Variants in TCF7L1 observed in about 807,000 individuals in gnomAD.
TCF7L1 encodes the protein transcription factor 7 like 1.
In TCF7L1, 18 loss-of-function variants were observed where a neutral mutation model predicts 63.7. That is an observed-to-expected ratio of 0.28 (90% CI 0.20 to 0.42). The LOEUF (loss-of-function observed/expected upper bound fraction) is 0.42. Ranked by LOEUF, TCF7L1 falls within the 10% of genes least tolerant of loss-of-function variation. The pLI, the probability that TCF7L1 is intolerant of heterozygous loss-of-function variation, is 1.00. For missense variants in TCF7L1, 654 were observed against 779.3 expected (o/e 0.84, Z 1.91); for synonymous variants, 355 against 340.9 (o/e 1.04, Z -0.46).
chr2:85,188,017 A>G (rs777714841), intron 3 of TCF7L1, among the ~76,000 whole-genome samples: 1 of 152,236 alleles, frequency 6.6e-6, no homozygotes, highest in Non-Finnish European at 1.5e-5. Context: ...ATGCTGAACG[A>G]AAAAGTCAGT....
At chr2:85,263,323 G>A (rs1207396375) in intron 3 of TCF7L1, among the ~76,000 whole-genome samples, 1 of 151,638 alleles carries the variant, frequency 6.6e-6, no homozygotes, top group Non-Finnish European at 1.5e-5. Context: ...GGGTGGAGGG[G>A]GGGAAGTAAT....
intron 3 of TCF7L1, among the ~76,000 whole-genome samples, chr2:85,198,568 T>G (rs538712377): frequency 1.5e-4 from 23 of 152,214 alleles, no homozygotes; most frequent in Non-Finnish European, 2.6e-4. Context: ...CATTTAGAAG[T>G]GGCTTTGGGG....
At chr2:85,251,982 G>A (rs1014305050) in intron 3 of TCF7L1, among the ~76,000 whole-genome samples, 1 of 152,174 alleles carries the variant, frequency 6.6e-6, no homozygotes, top group Non-Finnish European at 1.5e-5. Context: ...GGCTGAGGTG[G>A]GAGGATCACT....
intron 3 of TCF7L1, among the ~76,000 whole-genome samples, chr2:85,147,749 G>T (rs192183072): frequency 6.6e-6 from 1 of 152,198 alleles, no homozygotes; most frequent in Non-Finnish European, 1.5e-5. Context: ...AATAATGGTG[G>T]GCATCTGTTT....
At chr2:85,143,786 G>C (rs1677802550) in intron 3 of TCF7L1, among the ~76,000 whole-genome samples, 1 of 152,176 alleles carries the variant, frequency 6.6e-6, no homozygotes, top group Non-Finnish European at 1.5e-5. Context: ...TTATCAGCTG[G>C]GGTTGAGGGT....
At chr2:85,197,925 T>C (rs57871178) in intron 3 of TCF7L1, among the ~76,000 whole-genome samples, 30,423 of 152,030 alleles carry the variant, frequency 0.2, 3,299 homozygotes, top group African/African-American at 0.25. Flanking sequence ...GTGAGCAGTG[T>C]TGGGTGCCTG....
Position 85,304,420 on chromosome 2 carries a change from A to C in TCF7L1, c.845+82A>C. ...GACCACGAAACAGCTTTTTCTTGCCAGTTAATGAGCAGGCACAGGGCTCAC... is the reference window on the plus strand; with the variant it reads ...GACCACGAAACAGCTTTTTCTTGCCCGTTAATGAGCAGGCACAGGGCTCAC... On this transcript the variant is annotated intron_variant, in intron 7 of 11. Coordinates refer to ENST00000282111, the MANE Select transcript of TCF7L1 (RefSeq NM_031283.3). 2.1e-6 allele frequency: 3 copies of C among 1,445,442 alleles called. No individual in the cohort carries two copies. In the South Asian group the frequency reaches 3.6e-5, roughly 17 times the overall value. 89.5% of individuals were successfully genotyped at this position (1,445,442 alleles called of 1,614,324 possible).
chr2:85,208,543 T>C (rs1276287713), intron 3 of TCF7L1, among the ~76,000 whole-genome samples: 2 of 152,188 alleles, frequency 1.3e-5, no homozygotes, highest in African/African-American at 2.4e-5. Flanking sequence ...AGTGAAGGGA[T>C]GAACCGTATC....
intron 3 of TCF7L1, among the ~76,000 whole-genome samples, chr2:85,163,766 T>C (rs1678345245): frequency 6.6e-6 from 1 of 151,994 alleles, no homozygotes; most frequent in Non-Finnish European, 1.5e-5. Flanking sequence ...GCCTCTCTCC[T>C]TGGCTTGTAG....
intron 4 of TCF7L1, among the ~76,000 whole-genome samples, chr2:85,293,679 A>T (rs1261487777): frequency 1.3e-5 from 2 of 152,266 alleles, no homozygotes; most frequent in Non-Finnish European, 2.9e-5. Flanking sequence ...ACATGGCTAC[A>T]TCCTGACCTA....
At chr2:85,215,669 CT>C (rs556812051) in intron 3 of TCF7L1, among the ~76,000 whole-genome samples, 206 of 148,724 alleles carry the variant, frequency 1.4e-3, no homozygotes, top group African/African-American at 4.9e-3. Flanking sequence ...TAAATCCCAT[CT>C]GTAATTGTGA....
intron 11 of TCF7L1, among the ~76,000 whole-genome samples, chr2:85,308,462 TTTCCCTCCCTCTCCCCCTCC>T (rs1483897275): frequency 1.1e-4 from 9 of 84,122 alleles, no homozygotes; most frequent in Non-Finnish European, 1.8e-4. Flanking sequence ...CCTCCCTCTC[TTTCCCTCCCTCTCCCCCTCC>T]TTCCCTCCCT....
At chr2:85,174,496 G>A (rs989233407) in intron 3 of TCF7L1, among the ~76,000 whole-genome samples, 1 of 152,184 alleles carries the variant, frequency 6.6e-6, no homozygotes, top group African/African-American at 2.4e-5. Context: ...TTGCCCACCT[G>A]GCAGGTGGGT....
Position 85,173,322 on chromosome 2 carries a change from C to T in TCF7L1, c.441+38872C>T, listed in dbSNP as rs1358443237. Among the ~76,000 whole-genome samples the T allele has an allele frequency of 5.7e-5, 8 of 140,774 alleles. No homozygotes were observed. In the South Asian group the frequency reaches 7.0e-4, roughly 12 times the overall value. 92.4% of individuals were successfully genotyped at this position (140,774 alleles called of 152,430 possible). A position where few individuals can be genotyped will look rare whatever the true frequency, so the allele number is the denominator to read the frequency against. On this transcript the variant is annotated intron_variant, in intron 3 of 11. Transcript: ENST00000282111. ...GTGTGGAGGAGCAGGGGAGTGGGTA[C>T]GGAGGGGGTGGGGGGCTCCAAACAG...
chr2:85,256,805 C>T (rs1376319338), intron 3 of TCF7L1, among the ~76,000 whole-genome samples: 1 of 151,808 alleles, frequency 6.6e-6, no homozygotes, highest in African/African-American at 2.4e-5. Flanking sequence ...GCCAACATGG[C>T]GAAACCATCT....
chr2:85,275,646 G>A (rs564722598), intron 3 of TCF7L1, among the ~76,000 whole-genome samples: 6 of 152,082 alleles, frequency 3.9e-5, no homozygotes, highest in South Asian at 4.1e-4. Flanking sequence ...GGCCAGGTGC[G>A]GTGGCTCACC....
chr2:85,155,555 C>G (rs1365028354), intron 3 of TCF7L1, among the ~76,000 whole-genome samples: 2 of 152,192 alleles, frequency 1.3e-5, no homozygotes, highest in African/African-American at 4.8e-5. Flanking sequence ...CTTTGAGAAC[C>G]ATAGATTGGT....
chr2:85,157,949 T>C (rs1192980751), intron 3 of TCF7L1, among the ~76,000 whole-genome samples: 1 of 152,094 alleles, frequency 6.6e-6, no homozygotes, highest in East Asian at 1.9e-4. Flanking sequence ...TTTGTGCAGA[T>C]GGGGGCATGG....
intron 3 of TCF7L1, among the ~76,000 whole-genome samples, chr2:85,231,609 C>T (rs1680082757): frequency 6.6e-6 from 1 of 152,182 alleles, no homozygotes; most frequent in Admixed American, 6.5e-5. Flanking sequence ...GATCAGGACA[C>T]CAGTCCCTGG....
Sources: allele counts gnomAD v4.1 joint callset (sites outside exome capture counted in the v4.1 genomes callset), GRCh38; gene constraint gnomAD v4.1.1; transcripts MANE v1.5; gene names NCBI Gene and HGNC (gene_info 2026-07-23, HGNC 2026-07-21).